The following NPAT variants were observed in gnomAD, a reference collection of about 807,000 sequenced individuals.
The protein encoded by NPAT is protein NPAT.
NPAT carries 52 observed loss-of-function variants against 130.7 expected under a neutral mutation model. The ratio of observed to expected loss-of-function variants is 0.40; its 90% CI spans 0.32 to 0.50. NPAT has a LOEUF of 0.50. Ranked by LOEUF, NPAT falls within the 20% of genes least tolerant of loss-of-function variation. The pLI is 0.68. For missense variants in NPAT, 1,687 were observed against 1,662.6 expected, an observed-to-expected ratio of 1.01 and a Z score of -0.26; for synonymous variants, 580 against 584.8, an observed-to-expected ratio of 0.99 and a Z score of 0.12.
At chr11:108,207,663 C>T (rs116471896) in intron 1 of NPAT, among the ~76,000 whole-genome samples, 1,675 of 152,314 alleles carry the variant, frequency 0.011, 37 homozygotes, top group African/African-American at 0.038. Flanking sequence ...GAGTGGGCAC[C>T]GGGAGCAGGG....
intron 15 of NPAT, among the ~76,000 whole-genome samples, chr11:108,165,700 G>A (rs1035723041): frequency 6.6e-6 from 1 of 150,512 alleles, no homozygotes; most frequent in Non-Finnish European, 1.5e-5. Flanking sequence ...GCACGATCTT[G>A]TCTCACTGCA....
intron 2 of NPAT, among the ~76,000 whole-genome samples, chr11:108,195,234 T>C (rs941832001): frequency 2.0e-5 from 3 of 152,228 alleles, no homozygotes; most frequent in Non-Finnish European, 4.4e-5. Context: ...GAGGAGTACA[T>C]GCATAATCAT....
intron 10 of NPAT, among the ~76,000 whole-genome samples, chr11:108,180,256 A>T (rs1220132540): frequency 6.6e-6 from 1 of 152,124 alleles, no homozygotes. Flanking sequence ...GAGCTCAAAG[A>T]GGTTCAGGCT....
intron 1 of NPAT, among the ~76,000 whole-genome samples, chr11:108,219,592 C>T (rs1591423701): frequency 1.3e-5 from 2 of 152,220 alleles, no homozygotes; most frequent in East Asian, 3.9e-4. Context: ...GTCCATTCAT[C>T]CATGACTAAG....
intron 1 of NPAT, among the ~76,000 whole-genome samples, chr11:108,220,988 G>GT (rs2078483603): frequency 6.6e-6 from 1 of 152,206 alleles, no homozygotes; most frequent in African/African-American, 2.4e-5. Context: ...CATGGCTGGC[G>GT]TTTTTTGTCC....
chr11:108,219,236 C>T (rs1270640654), intron 1 of NPAT, among the ~76,000 whole-genome samples: 4 of 152,142 alleles, frequency 2.6e-5, no homozygotes, highest in Non-Finnish European at 5.9e-5. Flanking sequence ...CCCTTTCTGC[C>T]TCAGTAGAGT....
chr11:108,215,278 CAGTA>C (rs1260751085), intron 1 of NPAT, among the ~76,000 whole-genome samples: 2 of 145,896 alleles, frequency 1.4e-5, no homozygotes, highest in African/African-American at 5.3e-5. Flanking sequence ...GCATAATAGT[CAGTA>C]AGTATTTGTT....
chr11:108,174,564 TAAA>T (rs561166671), intron 12 of NPAT, among the ~76,000 whole-genome samples: 1 of 103,982 alleles, frequency 9.6e-6, no homozygotes, highest in Non-Finnish European at 2.0e-5. Context: ...GAGAAGATCT[TAAA>T]AAAAAAAAAA....
In NPAT at chr11:108,207,311, TG is replaced by T. The variant is rs146309771; in HGVS notation, c.38-9892del. Among the ~76,000 whole-genome samples the T allele has an allele frequency of 2.0e-3, 311 of 152,330 alleles. 2 individuals carry two copies. The highest frequency in any genetic ancestry group is 7.0e-3 in the African/African-American group (292 of 41,584). On this transcript the variant is annotated intron_variant, in intron 1 of 17. Coordinates refer to ENST00000278612, the MANE Select transcript of NPAT (RefSeq NM_002519.3). ...CACCATAAATTCTCACTCTGGGCCA[TG>T]GATCTGCAGTCTGGCCCCCAGGCTT...
chr11:108,193,397 A>T (rs1253887977), intron 3 of NPAT, among the ~76,000 whole-genome samples: 1 of 152,182 alleles, frequency 6.6e-6, no homozygotes, highest in Non-Finnish European at 1.5e-5. Flanking sequence ...TTGCTAACAT[A>T]AAGATTGTTG....
intron 7 of NPAT, 68 bp downstream of exon 7, chr11:108,188,030 C>T: frequency 1.9e-6 from 2 of 1,062,078 alleles, no homozygotes; most frequent in East Asian, 4.8e-5. Flanking sequence ...ATGTAAGTAT[C>T]CTGATGTAAT....
chr11:108,186,893 A>T (rs2134858708), intron 7 of NPAT, among the ~76,000 whole-genome samples: 2 of 152,344 alleles, frequency 1.3e-5, no homozygotes, highest in South Asian at 4.1e-4. Flanking sequence ...CATGTTATTC[A>T]AGGTCAACTA....
intron 7 of NPAT, among the ~76,000 whole-genome samples, 185 bp from the exon 8 acceptor site, chr11:108,186,754 G>A (rs1455152521): frequency 6.6e-6 from 1 of 152,118 alleles, no homozygotes; most frequent in Non-Finnish European, 1.5e-5. Context: ...AAGTCCTACA[G>A]TCTGCACTAG....
In NPAT at chr11:108,161,800, G is replaced by A; in HGVS notation, c.3286C>T (p.Pro1096Ser). ...QNKERNAVSF[P>S]NLDSPNVSST... ...GACACATTGGGTGAGTCAAGATTAG[G>A]AAAAGAGACTGCATTCCTTTCTTTG... The change falls in exon 17 of 18, where the codon CCT (proline) becomes TCT (serine). Residue 1096 changes from proline to serine, a missense_variant. Coordinates refer to ENST00000278612, the MANE Select transcript of NPAT (RefSeq NM_002519.3). The A allele has an allele frequency of 1.2e-6, 2 of 1,614,004 alleles. No individual in the cohort carries two copies. Among genetic ancestry groups the A allele is most frequent in the Admixed American group, 1.7e-5 (1 of 60,016 alleles).
At chr11:108,177,645 T>G (rs1413642318) in intron 10 of NPAT, among the ~76,000 whole-genome samples, 1 of 152,216 alleles carries the variant, frequency 6.6e-6, no homozygotes. Context: ...TTGGTGAATA[T>G]ATTCCTAAAC....
At chr11:108,198,513 G>A (rs202077584) in intron 1 of NPAT, among the ~76,000 whole-genome samples, 11 of 33,186 alleles carry the variant, frequency 3.3e-4, no homozygotes, top group African/African-American at 6.5e-4. Flanking sequence ...CCAAGCAGAC[G>A]GGTAGGGTAC....
chr11:108,167,337 G>C (rs781511698), intron 15 of NPAT, among the ~76,000 whole-genome samples: 2 of 151,962 alleles, frequency 1.3e-5, no homozygotes, highest in African/African-American at 2.4e-5. Context: ...TCACCCTCCC[G>C]AATAGTTGGG....
At chr11:108,164,096 A>G (rs138994591) in intron 15 of NPAT, among the ~76,000 whole-genome samples, 1 of 152,360 alleles carries the variant, frequency 6.6e-6, no homozygotes, top group East Asian at 1.9e-4. Context: ...TATGTACTGA[A>G]TGAAAGTGAT....
intron 1 of NPAT, among the ~76,000 whole-genome samples, chr11:108,215,409 A>G (rs1313104781): frequency 1.3e-5 from 2 of 152,178 alleles, no homozygotes; most frequent in Non-Finnish European, 2.9e-5. Context: ...GGATCAGGAA[A>G]AATAACTAAT....
Sources: gnomAD v4.1 joint callset for allele counts (sites outside exome capture counted in the v4.1 genomes callset) on GRCh38, gnomAD v4.1.1 for gene constraint, MANE v1.5 for transcripts, NCBI Gene and HGNC (gene_info 2026-07-23, HGNC 2026-07-21) for gene names.